ASTN2: variants seen among roughly 807,000 people sequenced by gnomAD.
ASTN2 encodes astrotactin-2.
Under a neutral mutation model 139.8 loss-of-function variants are expected in ASTN2, and 54 were observed. That is an observed-to-expected ratio of 0.39 (90% CI 0.31 to 0.48). ASTN2 has a LOEUF of 0.48. ASTN2 is among the 20% of genes least tolerant of loss of function. The pLI is 0.95. For synonymous variants in ASTN2, 756 were observed against 719.5 expected (o/e 1.05, Z -0.81); for missense variants, 1,565 against 1,725.1 (o/e 0.91, Z 1.64).
chr9:117,034,647 T>G (rs1205241260), intron 6 of ASTN2, among the ~76,000 whole-genome samples: 1 of 152,174 alleles, frequency 6.6e-6, no homozygotes, highest in Admixed American at 6.5e-5. Flanking sequence ...AGAATATTAA[T>G]ATGTGGGCTC....
chr9:117,410,976 C>T (rs891047836), intron 1 of ASTN2, among the ~76,000 whole-genome samples: 2 of 152,140 alleles, frequency 1.3e-5, no homozygotes, highest in African/African-American at 4.8e-5. Flanking sequence ...TGATTGTTAT[C>T]CCTCTCTATT....
intron 22 of ASTN2, among the ~76,000 whole-genome samples, chr9:116,440,255 T>C (rs1032110845): frequency 3.9e-5 from 6 of 152,194 alleles, no homozygotes; most frequent in Non-Finnish European, 7.3e-5. Context: ...CCCTGGATTA[T>C]GGGTCATGGC....
At chr9:117,165,369 A>G (rs2132911708) in intron 3 of ASTN2, among the ~76,000 whole-genome samples, 1 of 152,234 alleles carries the variant, frequency 6.6e-6, no homozygotes, top group South Asian at 2.1e-4. Context: ...ATCTTCCTGA[A>G]GGTCATCTGG....
chr9:117,001,534 C>T (rs1394313376), intron 7 of ASTN2, among the ~76,000 whole-genome samples: 2 of 152,116 alleles, frequency 1.3e-5, no homozygotes, highest in Non-Finnish European at 2.9e-5. Flanking sequence ...CATCCCCTGC[C>T]ACTCTCCCAG....
In ASTN2 at chr9:117,414,474, C is replaced by G. The variant is rs1455328109; in HGVS notation, c.442+23G>C. The G allele has an allele frequency of 1.2e-6, 2 of 1,605,560 alleles. No homozygotes were observed. The highest frequency in any genetic ancestry group is 1.7e-6 in the Non-Finnish European group (2 of 1,176,428). On this transcript the variant is annotated intron_variant, in intron 1 of 22. Coordinates refer to ENST00000313400, the MANE Select transcript of ASTN2 (RefSeq NM_001365068.1). The surrounding 1 kb of genome is among the most constrained non-coding windows in gnomAD (Gnocchi z 4.2). Reference sequence around the variant, plus strand: ...GGGCTCGGGGTTCCTTGGGATCTAGCGCGTGCCGGCGCCCAGCCTTACCCA... The same window carrying G: ...GGGCTCGGGGTTCCTTGGGATCTAGGGCGTGCCGGCGCCCAGCCTTACCCA...
chr9:117,142,203 T>C (rs76130658), intron 3 of ASTN2, among the ~76,000 whole-genome samples: 2 of 152,208 alleles, frequency 1.3e-5, no homozygotes, highest in East Asian at 3.9e-4. Context: ...TTTATCCTAA[T>C]GGCAAAAGGT....
intron 19 of ASTN2, among the ~76,000 whole-genome samples, chr9:116,602,281 A>G (rs1245666304): frequency 1.3e-5 from 2 of 152,192 alleles, no homozygotes; most frequent in African/African-American, 2.4e-5. Context: ...GTTTATAAAG[A>G]AAAGGAAAGA....
chr9:116,574,753 C>T (rs1157211826), intron 19 of ASTN2, among the ~76,000 whole-genome samples: 1 of 152,222 alleles, frequency 6.6e-6, no homozygotes, highest in Non-Finnish European at 1.5e-5. Flanking sequence ...GCAAAGCCAA[C>T]GTGCAGAAGT....
chr9:116,440,331 T>C (rs981986173), intron 22 of ASTN2, among the ~76,000 whole-genome samples: 1 of 152,138 alleles, frequency 6.6e-6, no homozygotes, highest in Non-Finnish European at 1.5e-5. Flanking sequence ...AAGTTTCCTA[T>C]CTGTAAAATG....
intron 17 of ASTN2, among the ~76,000 whole-genome samples, chr9:116,638,249 C>T (rs1588125227): frequency 1.3e-5 from 2 of 152,116 alleles, no homozygotes; most frequent in African/African-American, 2.4e-5. Context: ...GCACTTATTA[C>T]GCACCAGCAC....
At chr9:116,779,596 C>T (rs1830166865) in intron 13 of ASTN2, among the ~76,000 whole-genome samples, 1 of 152,110 alleles carries the variant, frequency 6.6e-6, no homozygotes, top group South Asian at 2.1e-4. Flanking sequence ...CCGACAGGGC[C>T]TATCTACCAC....
At chr9:116,649,572 CAA>C (rs35946741) in intron 17 of ASTN2, among the ~76,000 whole-genome samples, 19 of 137,608 alleles carry the variant, frequency 1.4e-4, no homozygotes, top group African/African-American at 3.5e-4. Context: ...AAAACTGTCT[CAA>C]AAAAAAAAAA....
chr9:116,851,471 CATCTATCTATCTATCTATCT>C (rs58927400), intron 11 of ASTN2, among the ~76,000 whole-genome samples: 207 of 148,992 alleles, frequency 1.4e-3, no homozygotes, highest in Middle Eastern at 3.4e-3. Flanking sequence ...AATTGCTAAA[CATCTATCTATCTATCTATCT>C]ATCTATCTAT....
At chr9:117,184,322 G>C (rs2132952306) in intron 3 of ASTN2, among the ~76,000 whole-genome samples, 1 of 152,334 alleles carries the variant, frequency 6.6e-6, no homozygotes, top group African/African-American at 2.4e-5. Context: ...CAGGCAGACT[G>C]TCTGTCCATG....
At chr9:116,684,387 C>T (rs929888418) in intron 16 of ASTN2, among the ~76,000 whole-genome samples, 1 of 152,018 alleles carries the variant, frequency 6.6e-6, no homozygotes, top group East Asian at 1.9e-4. Context: ...CAAGAGGAAA[C>T]CTATTGTTAG....
At chr9:117,315,811 A>C (rs958889374) in intron 1 of ASTN2, among the ~76,000 whole-genome samples, 1 of 152,212 alleles carries the variant, frequency 6.6e-6, no homozygotes, top group Non-Finnish European at 1.5e-5. Flanking sequence ...ACTCCACAAT[A>C]AGAAGTGAAA....
intron 10 of ASTN2, among the ~76,000 whole-genome samples, chr9:116,958,736 T>C (rs1197970390): frequency 6.6e-6 from 1 of 152,054 alleles, no homozygotes; most frequent in Non-Finnish European, 1.5e-5. Flanking sequence ...AGGATCATAA[T>C]AGTCCCAGAG....
intron 11 of ASTN2, among the ~76,000 whole-genome samples, chr9:116,841,062 G>A (rs902789207): frequency 6.6e-6 from 1 of 152,254 alleles, no homozygotes; most frequent in South Asian, 2.1e-4. Context: ...CCAAGATCAC[G>A]CCACTGCACT....
chr9:117,312,159 C>T (rs1488294061), intron 1 of ASTN2, among the ~76,000 whole-genome samples: 1 of 152,178 alleles, frequency 6.6e-6, no homozygotes, highest in Non-Finnish European at 1.5e-5. Context: ...CTTCTTCCCC[C>T]CAGAGACTTC....
Sources: gnomAD v4.1 joint callset for allele counts (sites outside exome capture counted in the v4.1 genomes callset) on GRCh38, gnomAD v4.1.1 for gene constraint, Gnocchi (gnomAD v3.1) non-coding constraint, MANE v1.5 for transcripts, NCBI Gene and HGNC (gene_info 2026-07-23, HGNC 2026-07-21) for gene names.